Variants in FAR1 observed in about 807,000 individuals in gnomAD.
FAR1 encodes fatty acyl-CoA reductase 1, also known as male sterility domain-containing protein 2.
Under a neutral mutation model 61.1 loss-of-function variants are expected in FAR1, and 22 were observed. The observed-to-expected ratio is 0.36, with a 90% confidence interval of 0.26 to 0.51. The LOEUF (loss-of-function observed/expected upper bound fraction) is 0.51. FAR1 is among the 20% of genes least tolerant of loss of function. The pLI is 0.95. For missense variants in FAR1, 359 were observed against 626.9 expected, an observed-to-expected ratio of 0.57 and a Z score of 4.56; for synonymous variants, 206 against 209.7, an observed-to-expected ratio of 0.98 and a Z score of 0.15.
intron 1 of FAR1, among the ~76,000 whole-genome samples, chr11:13,683,394 A>G (rs558725756): frequency 2.8e-4 from 42 of 149,450 alleles, no homozygotes; most frequent in African/African-American, 1.0e-3. Flanking sequence ...CTCCATCTCA[A>G]AAAAAAAAAG....
intron 7 of FAR1, 40 bp from the exon 8 acceptor site, chr11:13,712,926 C>T (rs763595720): frequency 1.3e-6 from 2 of 1,557,960 alleles, no homozygotes; most frequent in East Asian, 2.2e-5. Context: ...TATGTTTGGC[C>T]TCTTATTATG....
At chr11:13,702,371 G>T (rs1263231973) in intron 3 of FAR1, among the ~76,000 whole-genome samples, 1 of 152,046 alleles carries the variant, frequency 6.6e-6, no homozygotes, top group Non-Finnish European at 1.5e-5. Flanking sequence ...GTATACAAAT[G>T]ACTTTTAAAA....
chr11:13,695,520 G>C (rs1369760885), intron 2 of FAR1, among the ~76,000 whole-genome samples: 1 of 152,148 alleles, frequency 6.6e-6, no homozygotes, highest in Non-Finnish European at 1.5e-5. Flanking sequence ...TCATAAGTTT[G>C]TGAATTCTCT....
intron 11 of FAR1, among the ~76,000 whole-genome samples, chr11:13,728,044 A>C (rs552511703): frequency 4.2e-4 from 64 of 151,748 alleles, no homozygotes; most frequent in African/African-American, 1.5e-3. Flanking sequence ...TCTCTACATC[A>C]TTTTTCTTAC....
chr11:13,713,794 G>C lies in FAR1; in HGVS notation c.956-715G>C, dbSNP rs180696953. Reference sequence around the variant, plus strand: ...TATTTCAGTGTAAAATTGACCATTAGAGCATATAAGAAAAAGATAAAATCT... The same window carrying C: ...TATTTCAGTGTAAAATTGACCATTACAGCATATAAGAAAAAGATAAAATCT... On this transcript the variant is annotated intron_variant, in intron 8 of 11. Transcript: ENST00000354817. Among the ~76,000 whole-genome samples, 593 of 152,034 alleles carry C rather than the reference G, an allele frequency of 3.9e-3. 1 individual carries two copies. The highest frequency in any genetic ancestry group is 0.013 in the African/African-American group (558 of 41,486).
In FAR1 at chr11:13,728,622, A is replaced by G; in HGVS notation, c.1396A>G (p.Ile466Val). Reference protein sequence around the residue: ...ARKHLNKLRNIRYGFNTILVI... With the variant: ...ARKHLNKLRNVRYGFNTILVI... ...TGATTTGCTTTCCAGGTTGCGGAAT[A>G]TACGTTATGGTTTTAATACTATCCT... Residue 466 changes from isoleucine to valine, a missense_variant, in exon 12 of 12, where the codon ATA (isoleucine) becomes GTA (valine). Around this residue, in one of 2 missense-constraint regions of FAR1, gnomAD observed 344 missense variants for 570.3 expected, o/e 0.60. Transcript: ENST00000354817. The G allele has an allele frequency of 1.2e-6, 2 of 1,611,300 alleles. No individual in the cohort carries two copies. The highest frequency in any genetic ancestry group is 1.7e-6 in the Non-Finnish European group (2 of 1,178,082).
intron 1 of FAR1, among the ~76,000 whole-genome samples, chr11:13,686,290 TTTAAAACTTCATTC>T: frequency 1.3e-5 from 2 of 152,346 alleles, no homozygotes; most frequent in South Asian, 4.1e-4. Flanking sequence ...GTGAGTCTTC[TTTAAAACTTCATTC>T]TTATTCTACC....
chr11:13,725,554 T>TG (rs1328042024), intron 10 of FAR1, among the ~76,000 whole-genome samples: 1 of 152,102 alleles, frequency 6.6e-6, no homozygotes, highest in Non-Finnish European at 1.5e-5. Flanking sequence ...TCAGTGGAAA[T>TG]GCAGACTAAA....
chr11:13,690,246 A>G (rs1425797542), intron 1 of FAR1, among the ~76,000 whole-genome samples: 3 of 151,560 alleles, frequency 2.0e-5, no homozygotes, highest in Non-Finnish European at 2.9e-5. Flanking sequence ...CCATTTTTCT[A>G]TTGGTTTATC....
At chr11:13,686,184 G>GA (rs1348625077) in intron 1 of FAR1, among the ~76,000 whole-genome samples, 1 of 152,182 alleles carries the variant, frequency 6.6e-6, no homozygotes, top group African/African-American at 2.4e-5. Flanking sequence ...GAGACTTTTG[G>GA]AAAATAGTAT....
chr11:13,706,520 GTATA>G (rs1459901237), intron 3 of FAR1, among the ~76,000 whole-genome samples: 1 of 151,740 alleles, frequency 6.6e-6, no homozygotes, highest in Non-Finnish European at 1.5e-5. Flanking sequence ...ATTGACAAAG[GTATA>G]TATATTTTTC....
intron 7 of FAR1, among the ~76,000 whole-genome samples, chr11:13,712,565 A>G (rs1453464813): frequency 6.6e-6 from 1 of 152,046 alleles, no homozygotes; most frequent in African/African-American, 2.4e-5. Flanking sequence ...TCCTAAAAAA[A>G]GAGAGATAGG....
chr11:13,695,000 C>T (rs779413918), intron 2 of FAR1, 46 bp downstream of exon 2: 3 of 1,482,708 alleles, frequency 2.0e-6, no homozygotes, highest in East Asian at 2.3e-5. Flanking sequence ...AAAGCGTGTG[C>T]TTGTGTATAT....
chr11:13,685,675 CACACACAATG>C (rs1193540911), intron 1 of FAR1: 1 of 170,250 alleles, frequency 5.9e-6, no homozygotes, highest in African/African-American at 2.4e-5. Context: ...CCAAGTCGAG[CACACACAATG>C]ATGGTGGAGA....
At chr11:13,682,578 G>GT (rs2053886544) in intron 1 of FAR1, among the ~76,000 whole-genome samples, 3 of 152,110 alleles carry the variant, frequency 2.0e-5, no homozygotes, top group Admixed American at 1.3e-4. Flanking sequence ...GGTTTAGACT[G>GT]TTTCTTAGAA....
At chr11:13,704,019 G>A (rs1250467974) in intron 3 of FAR1, among the ~76,000 whole-genome samples, 1 of 148,262 alleles carries the variant, frequency 6.7e-6, no homozygotes. Context: ...ACTCCAGCCT[G>A]GGCGACAAGA....
intron 1 of FAR1, among the ~76,000 whole-genome samples, chr11:13,671,176 A>G (rs1415446683): frequency 6.6e-6 from 1 of 152,212 alleles, no homozygotes; most frequent in Non-Finnish European, 1.5e-5. Context: ...GCGTGGAGTG[A>G]ATCAGGGAAG....
chr11:13,719,197 T>A (rs1421105849), intron 9 of FAR1, among the ~76,000 whole-genome samples: 2 of 152,198 alleles, frequency 1.3e-5, no homozygotes, highest in Non-Finnish European at 2.9e-5. Flanking sequence ...ATATCTTTCC[T>A]AAATAGGAAA....
chr11:13,668,781 A>G lies in FAR1; in HGVS notation c.-33A>G. Reference sequence around the variant, plus strand: ...GCTATTGCTGGACGGCCAGTGGGAGAGCGAGGCCTGAGCCTCTGCGTCTAG... The same window carrying G: ...GCTATTGCTGGACGGCCAGTGGGAGGGCGAGGCCTGAGCCTCTGCGTCTAG... On this transcript the variant is annotated 5_prime_UTR_variant, in exon 1 of 12. Coordinates refer to ENST00000354817, the MANE Select transcript of FAR1 (RefSeq NM_032228.6). The G allele has an allele frequency of 6.4e-6, 1 of 155,054 alleles. No individual in the cohort carries two copies. The highest frequency in any genetic ancestry group is 1.4e-5 in the Non-Finnish European group (1 of 69,610). 9.6% of individuals were successfully genotyped at this position (155,054 alleles called of 1,614,324 possible).
Sources: gnomAD v4.1 joint callset for allele counts (sites outside exome capture counted in the v4.1 genomes callset) on GRCh38, gnomAD v4.1.1 for gene constraint, gnomAD v4.1.1 regional missense constraint, MANE v1.5 for transcripts, NCBI Gene and HGNC (gene_info 2026-07-23, HGNC 2026-07-21) for gene names.